The following CAMK1D variants were observed in gnomAD, a reference collection of about 807,000 sequenced individuals.
CAMK1D encodes calcium/calmodulin-dependent protein kinase type 1D.
CAMK1D carries 9 observed loss-of-function variants against 47.7 expected under a neutral mutation model. The ratio of observed to expected loss-of-function variants is 0.19; its 90% CI spans 0.11 to 0.33. The LOEUF (loss-of-function observed/expected upper bound fraction) is 0.33, where lower values mean the gene tolerates loss of function less well. CAMK1D is among the 10% of genes least tolerant of loss of function. The probability of loss-of-function intolerance (pLI) is 1.00; values close to 1 mark genes in which losing one functional copy is unlikely to be tolerated. For synonymous variants in CAMK1D, 184 were observed against 184.9 expected, an observed-to-expected ratio of 0.99 and a Z score of 0.04; for missense variants, 291 against 488.7, an observed-to-expected ratio of 0.60 and a Z score of 3.81.
chr10:12,828,237 T>C (rs1259977263), intron 10 of CAMK1D, among the ~76,000 whole-genome samples: 2 of 152,060 alleles, frequency 1.3e-5, no homozygotes, highest in Admixed American at 1.3e-4. Context: ...CACAAAGCAG[T>C]TAAAATTACA....
At chr10:12,531,180 A>T (rs1375899329) in intron 1 of CAMK1D, among the ~76,000 whole-genome samples, 1 of 152,204 alleles carries the variant, frequency 6.6e-6, no homozygotes, top group East Asian at 1.9e-4. Flanking sequence ...GCCTTCACAG[A>T]GTTTTTATTC....
At chr10:12,404,898 G>A (rs1892304) in intron 1 of CAMK1D, among the ~76,000 whole-genome samples, 28,051 of 151,706 alleles carry the variant, frequency 0.18, 2,786 homozygotes, top group Middle Eastern at 0.28. Context: ...CATGTTGGTC[G>A]GGCTGGTCTT....
At chr10:12,522,044 G>A (rs1309205205) in intron 1 of CAMK1D, among the ~76,000 whole-genome samples, 2 of 151,724 alleles carry the variant, frequency 1.3e-5, no homozygotes, top group East Asian at 1.9e-4. Flanking sequence ...TTTTATTGAT[G>A]TATTTGAGCC....
chr10:12,558,984 T>C (rs995032376), intron 2 of CAMK1D, among the ~76,000 whole-genome samples: 1 of 152,116 alleles, frequency 6.6e-6, no homozygotes, highest in African/African-American at 2.4e-5. Context: ...TGGCTGCACC[T>C]TAAAATCACC....
intron 1 of CAMK1D, among the ~76,000 whole-genome samples, chr10:12,475,991 A>G (rs1048878977): frequency 6.6e-5 from 10 of 151,960 alleles, no homozygotes; most frequent in African/African-American, 2.4e-4. Context: ...ATGGTGGTAC[A>G]TGAGGAAGAG....
Position 12,644,068 on chromosome 10 carries a change from T to G in CAMK1D, c.225-22668T>G, listed in dbSNP as rs533004245. Among the ~76,000 whole-genome samples the G allele has an allele frequency of 1.7e-3, 258 of 152,186 alleles. 1 individual carries two copies. Among genetic ancestry groups the G allele is most frequent in the Non-Finnish European group, 3.0e-3 (203 of 68,020 alleles). On this transcript the variant is annotated intron_variant, in intron 2 of 10. Coordinates refer to ENST00000619168, the MANE Select transcript of CAMK1D (RefSeq NM_153498.4). The stretch of plus-strand genomic sequence containing the variant: ...TCATAGAAATAAAGTGCACGATAAA[T>G]GTAATGTGCTGAAATCATCCCGAAA...
chr10:12,781,094 C>T (rs1485668907), intron 5 of CAMK1D, among the ~76,000 whole-genome samples: 3 of 152,210 alleles, frequency 2.0e-5, no homozygotes, highest in African/African-American at 7.2e-5. Context: ...ACTTTTCTTC[C>T]TTGTGGAATT....
intron 2 of CAMK1D, among the ~76,000 whole-genome samples, chr10:12,597,233 G>A (rs1335659519): frequency 2.6e-5 from 4 of 152,152 alleles, no homozygotes; most frequent in African/African-American, 9.7e-5. Context: ...TATGGTGGCT[G>A]CTCCTTGTCC....
intron 1 of CAMK1D, among the ~76,000 whole-genome samples, chr10:12,387,388 TA>T (rs1838540932): frequency 6.2e-5 from 2 of 32,052 alleles, no homozygotes; most frequent in African/African-American, 1.1e-4. Context: ...ATATTATATA[TA>T]TTATATATTT....
chr10:12,755,669 T>C (rs1009467079), intron 3 of CAMK1D, among the ~76,000 whole-genome samples: 2 of 152,110 alleles, frequency 1.3e-5, no homozygotes, highest in Non-Finnish European at 2.9e-5. Flanking sequence ...ACCTGTTGTT[T>C]CCTGACTTTT....
chr10:12,616,667 G>A (rs180672997), intron 2 of CAMK1D, among the ~76,000 whole-genome samples: 174 of 152,220 alleles, frequency 1.1e-3, no homozygotes, highest in African/African-American at 4.0e-3. Flanking sequence ...ACAGGCGCCC[G>A]CCACTAAGCC....
intron 1 of CAMK1D, among the ~76,000 whole-genome samples, chr10:12,521,966 T>C (rs1454742627): frequency 6.9e-6 from 1 of 145,784 alleles, no homozygotes; most frequent in Non-Finnish European, 1.5e-5. Context: ...TATATCATTA[T>C]AGGTGTTTCT....
intron 2 of CAMK1D, among the ~76,000 whole-genome samples, chr10:12,609,720 C>T (rs557562485): frequency 3.7e-4 from 57 of 152,276 alleles, no homozygotes; most frequent in African/African-American, 1.3e-3. Context: ...TCACTTGCTG[C>T]CCCCCTCTTG....
intron 1 of CAMK1D, among the ~76,000 whole-genome samples, chr10:12,430,293 A>G (rs1274160011): frequency 6.6e-6 from 1 of 152,122 alleles, no homozygotes; most frequent in Non-Finnish European, 1.5e-5. Flanking sequence ...TCCCAAATGA[A>G]CACGATCCGC....
At chr10:12,808,076 G>C (rs747346487) in intron 6 of CAMK1D, among the ~76,000 whole-genome samples, 6 of 152,118 alleles carry the variant, frequency 3.9e-5, no homozygotes, top group Non-Finnish European at 8.8e-5. Context: ...GCTGTTTTAT[G>C]CCCCATGCTC....
intron 2 of CAMK1D, among the ~76,000 whole-genome samples, chr10:12,594,902 A>G (rs1315940036): frequency 1.3e-5 from 2 of 152,190 alleles, no homozygotes; most frequent in Non-Finnish European, 2.9e-5. Context: ...AATTGACTAT[A>G]TAGGTCAGGA....
At chr10:12,677,268 C>G (rs1840842026) in intron 3 of CAMK1D, among the ~76,000 whole-genome samples, 1 of 152,112 alleles carries the variant, frequency 6.6e-6, no homozygotes, top group Non-Finnish European at 1.5e-5. Context: ...CAATAGAAAG[C>G]CTTCTGTAAG....
intron 1 of CAMK1D, among the ~76,000 whole-genome samples, chr10:12,505,809 G>A (rs1230372704): frequency 6.7e-6 from 1 of 150,286 alleles, no homozygotes; most frequent in South Asian, 2.2e-4. Flanking sequence ...TGCTAAAGAA[G>A]CCAAGGAGGG....
intron 2 of CAMK1D, 56 bp downstream of exon 2, chr10:12,553,412 G>T (rs1369005221): frequency 4.9e-6 from 7 of 1,440,986 alleles, no homozygotes; most frequent in Non-Finnish European, 6.8e-6. Context: ...CGTGTGTCCT[G>T]CAGGAGTCCT....
Sources: allele counts gnomAD v4.1 joint callset (sites outside exome capture counted in the v4.1 genomes callset), GRCh38; gene constraint gnomAD v4.1.1; transcripts MANE v1.5; gene names NCBI Gene and HGNC (gene_info 2026-07-23, HGNC 2026-07-21).